Variants in ARHGEF3 observed in about 807,000 individuals in gnomAD.
The protein encoded by ARHGEF3 is Rho guanine nucleotide exchange factor 3.
A neutral mutation model predicts 63.2 loss-of-function variants in ARHGEF3; 28 were observed. The ratio of observed to expected loss-of-function variants is 0.44; its 90% CI spans 0.33 to 0.61. The LOEUF (loss-of-function observed/expected upper bound fraction) is 0.61. ARHGEF3 is among the 20% of genes least tolerant of loss of function. ARHGEF3 has a pLI of 0.03. For synonymous variants in ARHGEF3, 266 were observed against 254.2 expected, an observed-to-expected ratio of 1.05 and a Z score of -0.44; for missense variants, 533 against 659.3, an observed-to-expected ratio of 0.81 and a Z score of 2.10.
At chr3:56,885,238 A>T (rs1191200268) in intron 3 of ARHGEF3, among the ~76,000 whole-genome samples, 1 of 152,150 alleles carries the variant, frequency 6.6e-6, no homozygotes, top group Non-Finnish European at 1.5e-5. Context: ...CTACAGTATT[A>T]TACCTGAGAT....
Position 56,852,919 on chromosome 3 carries a change from C to T in ARHGEF3, c.192+29373G>A, listed in dbSNP as rs9878763. 6.1e-3 allele frequency among the ~76,000 whole-genome samples: 935 copies of T among 152,232 alleles called. 9 individuals carry two copies. Among genetic ancestry groups the T allele is most frequent in the South Asian group, 0.02 (94 of 4,820 alleles). On this transcript the variant is annotated intron_variant, in intron 4 of 12. Transcript: ENST00000338458. ...CTTGTCTGCTCGATGGATGTATAGA[C>T]CATGCATTGCATTTTAGAAACAGTA... is the stretch of plus-strand genomic sequence containing the variant.
At chr3:56,899,113 G>C (rs577036798) in intron 3 of ARHGEF3, among the ~76,000 whole-genome samples, 4 of 152,270 alleles carry the variant, frequency 2.6e-5, no homozygotes, top group East Asian at 1.9e-4. Context: ...GGGTGAGGAG[G>C]TGGGAGTTTC....
In ARHGEF3 at chr3:56,868,922, G is replaced by A. The variant is rs564500050; in HGVS notation, c.192+13370C>T. On this transcript the variant is annotated intron_variant, in intron 4 of 12. Coordinates refer to the ARHGEF3 transcript ENST00000338458. ...CGTGTATGATGTATGGCAGAGCTCA[G>A]TAAATGCCAGTTGATTGAATTAGTG... Among the ~76,000 whole-genome samples, 14 of 152,294 alleles carry A rather than the reference G, an allele frequency of 9.2e-5. No individual in the cohort carries two copies. In the South Asian group the frequency reaches 2.1e-3, roughly 23 times the overall value.
chr3:56,872,137 C>A (rs749308278), intron 4 of ARHGEF3, among the ~76,000 whole-genome samples: 3 of 152,138 alleles, frequency 2.0e-5, no homozygotes, highest in Non-Finnish European at 4.4e-5. Flanking sequence ...AACTGGTTTG[C>A]TATAACCTTG....
At chr3:56,946,063 G>T (rs532126836) in intron 3 of ARHGEF3, among the ~76,000 whole-genome samples, 2 of 152,292 alleles carry the variant, frequency 1.3e-5, no homozygotes, top group Non-Finnish European at 2.9e-5. Context: ...CCGCAGCTGA[G>T]GGTCCTGACT....
At chr3:56,912,106 T>C (rs1413543219) in intron 3 of ARHGEF3, among the ~76,000 whole-genome samples, 1 of 152,166 alleles carries the variant, frequency 6.6e-6, no homozygotes, top group East Asian at 1.9e-4. Context: ...AAATCATTCA[T>C]TAAATCATTC....
At chr3:56,951,149 T>G (rs895361902) in intron 3 of ARHGEF3, among the ~76,000 whole-genome samples, 11 of 151,638 alleles carry the variant, frequency 7.3e-5, no homozygotes, top group African/African-American at 1.7e-4. Context: ...GGAGGGGGGA[T>G]GGATAGCATT....
At chr3:56,747,064 C>CAGAGAGAGAGAGAGAGAGAGAGAGAG (rs5849167) in intron 6 of ARHGEF3, among the ~76,000 whole-genome samples, 5 of 148,166 alleles carry the variant, frequency 3.4e-5, no homozygotes, top group African/African-American at 1.2e-4. Flanking sequence ...CACACACACA[C>CAGAGAGAGAGAGAGAGAGAGAGAGAG]AGAGAGAGAG....
chr3:56,944,159 C>G (rs1047244868), intron 3 of ARHGEF3, among the ~76,000 whole-genome samples: 1 of 152,056 alleles, frequency 6.6e-6, no homozygotes, highest in Non-Finnish European at 1.5e-5. Flanking sequence ...GATGACAGAG[C>G]GAGATTCAGT....
intron 1 of ARHGEF3, among the ~76,000 whole-genome samples, chr3:56,779,070 C>T (rs529950345): frequency 6.6e-6 from 1 of 152,150 alleles, no homozygotes; most frequent in African/African-American, 2.4e-5. Context: ...ACCTAGTCAT[C>T]GTCAGGCTCC....
chr3:56,918,174 A>G (rs1415748591), intron 3 of ARHGEF3, among the ~76,000 whole-genome samples: 6 of 152,196 alleles, frequency 3.9e-5, no homozygotes, highest in African/African-American at 1.4e-4. Flanking sequence ...AGCTTTGGGG[A>G]CAATTCAGCC....
At chr3:56,800,311 T>C (rs1365843260) in intron 1 of ARHGEF3, among the ~76,000 whole-genome samples, 1 of 152,228 alleles carries the variant, frequency 6.6e-6, no homozygotes, top group African/African-American at 2.4e-5. Flanking sequence ...TTGATTAAAT[T>C]AGGAAGTTCC....
Position 56,901,895 on chromosome 3 carries a change from C to T in ARHGEF3, c.130-19541G>A, listed in dbSNP as rs114101443. ...TTAATACATATTGTTGATTCAGTAG[C>T]ATTGAACTCATGGCCAATGACACCA... On this transcript the variant is annotated intron_variant, in intron 3 of 12. Coordinates refer to the ARHGEF3 transcript ENST00000338458. Among the ~76,000 whole-genome samples the T allele has an allele frequency of 1.2e-3, 190 of 152,286 alleles. 1 individual carries two copies. The highest frequency in any genetic ancestry group is 3.4e-3 in the African/African-American group (141 of 41,556).
At chr3:56,962,124 A>G (rs192380239) in intron 2 of ARHGEF3, among the ~76,000 whole-genome samples, 197 of 152,284 alleles carry the variant, frequency 1.3e-3, no homozygotes, top group African/African-American at 4.6e-3. Flanking sequence ...CTCCCCAGCC[A>G]AACACTACCA....
At chr3:57,076,964 G>A (rs1692381320) in intron 1 of ARHGEF3, 1 of 152,106 alleles carries the variant, frequency 6.6e-6, no homozygotes, top group South Asian at 2.1e-4. Context: ...GAGTGTGATA[G>A]AAACTAATGG....
At position 56,967,464 on chromosome 3, in the gene ARHGEF3, AT is replaced by A. The variant is rs1179465012; in HGVS notation, c.63-8576del. Among the ~76,000 whole-genome samples, 304 of 55,736 alleles carry A rather than the reference AT, an allele frequency of 5.5e-3. 11 individuals carry two copies. The highest frequency in any genetic ancestry group is 0.021 in the African/African-American group (297 of 13,900). The allele number at this position is 55,736 out of a possible 152,430, so 36.6% of individuals were successfully genotyped here. A position where few individuals can be genotyped will look rare whatever the true frequency, so the allele number is the denominator to read the frequency against. On this transcript the variant is annotated intron_variant, in intron 2 of 12. Coordinates refer to the ARHGEF3 transcript ENST00000338458. Reference sequence around the variant, plus strand: ...ATATTATATATTATACATATTATATATTATATAATATATTATATAATATATT... The same window carrying A: ...ATATTATATATTATACATATTATATATATATAATATATTATATAATATATT...
intron 2 of ARHGEF3, among the ~76,000 whole-genome samples, chr3:56,755,605 A>G (rs1211705062): frequency 1.3e-5 from 2 of 152,214 alleles, no homozygotes; most frequent in African/African-American, 4.8e-5. Context: ...GTATCCTATT[A>G]CATATAGTTT....
At position 57,035,177 on chromosome 3, in the gene ARHGEF3, C is replaced by G. The variant is rs951459559; in HGVS notation, c.-27-1G>C. On this transcript the variant is annotated splice_acceptor_variant, in intron 1 of 12. Transcript: ENST00000338458. LOFTEE classifies it low-confidence loss of function (5UTR_SPLICE). ...ACTCAGTATGGCAGGCTCAGGTCTCCTTTTTTAAAAAGCAAAACAACCAAC... is the reference window on the plus strand; with the variant it reads ...ACTCAGTATGGCAGGCTCAGGTCTCGTTTTTTAAAAAGCAAAACAACCAAC... 6 of 1,480,916 alleles carry G rather than the reference C, an allele frequency of 4.1e-6. No individual in the cohort carries two copies. The highest frequency in any genetic ancestry group is 5.4e-6 in the Non-Finnish European group (6 of 1,114,862). 91.7% of individuals were successfully genotyped at this position (1,480,916 alleles called of 1,614,324 possible).
chr3:56,875,051 C>A (rs2108235121), intron 4 of ARHGEF3, among the ~76,000 whole-genome samples: 1 of 152,258 alleles, frequency 6.6e-6, no homozygotes, highest in South Asian at 2.1e-4. Context: ...GGAGGACAGG[C>A]CTGCGACTCA....
Sources: allele counts gnomAD v4.1 joint callset (sites outside exome capture counted in the v4.1 genomes callset), GRCh38; gene constraint gnomAD v4.1.1; transcripts MANE v1.5; gene names NCBI Gene and HGNC (gene_info 2026-07-23, HGNC 2026-07-21).